MDM2: variants seen among roughly 807,000 people sequenced by gnomAD.
MDM2 encodes the protein MDM2 proto-oncogene, also known as E3 ubiquitin-protein ligase Mdm2.
In MDM2, 11 loss-of-function variants were observed where a neutral mutation model predicts 64.3. That is an observed-to-expected ratio of 0.17 (90% CI 0.11 to 0.28). The LOEUF is 0.28. Ranked by LOEUF, MDM2 falls within the 10% of genes least tolerant of loss-of-function variation. MDM2 has a pLI of 1.00. For synonymous variants in MDM2, 194 were observed against 192.9 expected, an observed-to-expected ratio of 1.01 and a Z score of -0.05; for missense variants, 388 against 577.1, an observed-to-expected ratio of 0.67 and a Z score of 3.36.
intron 10 of MDM2, 133 bp from the exon 11 acceptor site, chr12:68,839,141 A>G (rs1449444747): frequency 2.7e-6 from 2 of 751,318 alleles, no homozygotes; most frequent in Non-Finnish European, 4.3e-6. Flanking sequence ...TGACTATTTT[A>G]TATAAAACAT....
rs141536467 is a variant in MDM2, at chr12:68,821,530, CT to C, written c.358+1157del. 4.8e-3 allele frequency among the ~76,000 whole-genome samples: 731 copies of C among 151,642 alleles called. 3 individuals carry two copies. Among genetic ancestry groups the C allele is most frequent in the Non-Finnish European group, 7.9e-3 (535 of 68,014 alleles). On this transcript the variant is annotated intron_variant, in intron 5 of 10. Coordinates refer to ENST00000258149, the MANE Select transcript of MDM2 (RefSeq NM_002392.6). Reference sequence around the variant, plus strand: ...TTGAGCCGAGGAGTTCAAGACCAGCCTGGGCAGCATGGCAAAATCCTAACTC... The same window carrying C: ...TTGAGCCGAGGAGTTCAAGACCAGCCGGGCAGCATGGCAAAATCCTAACTC...
chr12:68,844,296 T>C lies in MDM2; in HGVS notation c.*4447T>C, dbSNP rs1884072585. 1 of 221,522 alleles carries C rather than the reference T, an allele frequency of 4.5e-6. No individual in the cohort carries two copies. Among genetic ancestry groups the C allele is most frequent in the South Asian group, 1.8e-4 (1 of 5,444 alleles). 13.7% of individuals were successfully genotyped at this position (221,522 alleles called of 1,614,324 possible). On this transcript the variant is annotated 3_prime_UTR_variant, in exon 11 of 11. Transcript: ENST00000258149. ...ACAAGTCTGAATGTGTTTCTTTTTC[T>C]GGAATGGCCATGCCTGCCCACTTTA... is the stretch of plus-strand genomic sequence containing the variant.
chr12:68,850,555 C>T, the MDM2 span: 2 of 152,180 alleles, frequency 1.3e-5, no homozygotes, highest in Non-Finnish European at 2.9e-5. Context: ...TGTCCTATGA[C>T]TAAGTCGATA....
chr12:68,828,445 A>G (rs1038415477), intron 7 of MDM2: 1 of 225,158 alleles, frequency 4.4e-6, no homozygotes, highest in Non-Finnish European at 9.0e-6. Context: ...TACCGTTCCT[A>G]TGGTACCAGC....
chr12:68,842,868 C>G lies in MDM2; in HGVS notation c.*3019C>G. Reference sequence around the variant, plus strand: ...AACAAAATGGCCTTATATAATGAAGCCTAGTTATGCTGGACTGTTTTGATC... The same window carrying G: ...AACAAAATGGCCTTATATAATGAAGGCTAGTTATGCTGGACTGTTTTGATC... On this transcript the variant is annotated 3_prime_UTR_variant, in exon 11 of 11. Transcript: ENST00000258149. 1 of 205,322 alleles carries G rather than the reference C, an allele frequency of 4.9e-6. No individual in the cohort carries two copies. The highest frequency in any genetic ancestry group is 1.0e-5 in the Non-Finnish European group (1 of 100,344). 12.7% of individuals were successfully genotyped at this position (205,322 alleles called of 1,614,324 possible).
intron 3 of MDM2, among the ~76,000 whole-genome samples, chr12:68,815,433 C>CTTTTTTTTTTTTTTTT (rs58178593): frequency 2.1e-5 from 2 of 93,090 alleles, no homozygotes; most frequent in African/African-American, 4.4e-5. Flanking sequence ...GTTTCTTCTT[C>CTTTTTTTTTTTTTTTT]TTTTTTTTTT....
Position 68,844,248 on chromosome 12 carries a change from C to A in MDM2, c.*4399C>A, listed in dbSNP as rs183015384. The A allele has an allele frequency of 4.7e-6, 1 of 213,876 alleles. No homozygotes were observed. The highest frequency in any genetic ancestry group is 9.4e-6 in the Non-Finnish European group (1 of 106,192). The allele number at this position is 213,876 out of a possible 1,614,324, so 13.2% of individuals were successfully genotyped here. A position where few individuals can be genotyped will look rare whatever the true frequency, so the allele number is the denominator to read the frequency against. On this transcript the variant is annotated 3_prime_UTR_variant, in exon 11 of 11. Coordinates refer to ENST00000258149, the MANE Select transcript of MDM2 (RefSeq NM_002392.6). ...GTTAAAATAGAAATTATTTGAATATCATATATTTGGGTAACAAAAGGCACA... is the reference window on the plus strand; with the variant it reads ...GTTAAAATAGAAATTATTTGAATATAATATATTTGGGTAACAAAAGGCACA...
At chr12:68,838,847 T>C (rs1347989041) in intron 10 of MDM2, among the ~76,000 whole-genome samples, 1 of 152,198 alleles carries the variant, frequency 6.6e-6, no homozygotes, top group South Asian at 2.1e-4. Context: ...TTTTTCAGGA[T>C]GGTAAGGGTG....
intron 5 of MDM2, among the ~76,000 whole-genome samples, chr12:68,821,149 G>A (rs917271033): frequency 6.8e-6 from 1 of 147,946 alleles, no homozygotes; most frequent in Non-Finnish European, 1.5e-5. Flanking sequence ...CCAGGTTCAA[G>A]CAATTCTTCT....
chr12:68,812,655 G>T lies in MDM2; in HGVS notation c.100-899G>T, dbSNP rs180824582. Reference sequence around the variant, plus strand: ...TGTAGAGGTGGAGTCTCTCAGTGTGGCCCAGGCTGGTCTTGAACACCTAGC... The same window carrying T: ...TGTAGAGGTGGAGTCTCTCAGTGTGTCCCAGGCTGGTCTTGAACACCTAGC... On this transcript the variant is annotated intron_variant, in intron 2 of 10. Transcript: ENST00000258149. Among the ~76,000 whole-genome samples the T allele has an allele frequency of 5.9e-5, 9 of 152,212 alleles. No homozygotes were observed. The East Asian group carries it at 1.7e-3, about 29-fold the overall frequency.
intron 2 of MDM2, among the ~76,000 whole-genome samples, chr12:68,812,269 A>G (rs1343675684): frequency 6.6e-6 from 1 of 152,132 alleles, no homozygotes; most frequent in East Asian, 1.9e-4. Flanking sequence ...CAATTGTTAA[A>G]TAATATTTGT....
At chr12:68,835,790 G>A (rs371701201) in intron 8 of MDM2, 39 bp from the exon 9 acceptor site, 1 of 1,585,948 alleles carries the variant, frequency 6.3e-7, no homozygotes, top group South Asian at 1.1e-5. Context: ...AGGTCAAGAG[G>A]TGATGTTTAT....
intron 7 of MDM2, among the ~76,000 whole-genome samples, chr12:68,826,729 C>T (rs1448763372): frequency 6.6e-6 from 1 of 151,692 alleles, no homozygotes; most frequent in Non-Finnish European, 1.5e-5. Context: ...AGTAATCTAT[C>T]CTAAGGATGT....
rs547418677 is a variant in MDM2 at position 68,844,082 on chromosome 12, A to G, written c.*4233A>G. 1 of 206,646 alleles carries G rather than the reference A, an allele frequency of 4.8e-6. No individual in the cohort carries two copies. Among genetic ancestry groups the G allele is most frequent in the Admixed American group, 5.9e-5 (1 of 16,824 alleles). The allele number at this position is 206,646 out of a possible 1,614,324, so 12.8% of individuals were successfully genotyped here. On this transcript the variant is annotated 3_prime_UTR_variant, in exon 11 of 11. Transcript: ENST00000258149. ...AGTGACAGCTATTTTTACAAAATTT[A>G]AATCTGCAAATGGATTCAACATGTT...
At chr12:68,830,378 C>T (rs116514865) in intron 8 of MDM2, among the ~76,000 whole-genome samples, 1 of 152,086 alleles carries the variant, frequency 6.6e-6, no homozygotes, top group African/African-American at 2.4e-5. Context: ...GTTACTGTAC[C>T]TAACGGAGCT....
chr12:68,820,299 TTA>T, intron 4 of MDM2, 24 bp from the exon 5 acceptor site: 2 of 1,518,516 alleles, frequency 1.3e-6, no homozygotes, highest in Non-Finnish European at 1.8e-6. Flanking sequence ...ACATCTCTTG[TTA>T]TTTTTTTTTT....
At position 68,839,382 on chromosome 12, in the gene MDM2, G is replaced by C; in HGVS notation, c.1027G>C (p.Asp343His). 1 of 1,613,896 alleles carries C rather than the reference G, an allele frequency of 6.2e-7. No homozygotes were observed. Among genetic ancestry groups the C allele is most frequent in the Non-Finnish European group, 8.5e-7 (1 of 1,180,002 alleles). Reference sequence around the variant, plus strand: ...TTGGCTTCCTGAAGATAAAGGGAAAGATAAAGGGGAAATCTCTGAGAAAGC... The same window carrying C: ...TTGGCTTCCTGAAGATAAAGGGAAACATAAAGGGGAAATCTCTGAGAAAGC... ...ENWLPEDKGK[D>H]KGEISEKAKL... The change falls in exon 11 of 11, where the codon GAT (aspartate) becomes CAT (histidine). Residue 343 changes from aspartate to histidine, a missense_variant. Around this residue, in one of 5 missense-constraint regions of MDM2, gnomAD observed 138 missense variants for 143.7 expected, o/e 0.96. Coordinates refer to ENST00000258149, the MANE Select transcript of MDM2 (RefSeq NM_002392.6).
chr12:68,809,394 A>G, intron 2 of MDM2, 102 bp downstream of exon 2: 1 of 1,075,406 alleles, frequency 9.3e-7, no homozygotes, highest in South Asian at 1.3e-5. Flanking sequence ...TGTAAATAAA[A>G]TTGTATGTGC....
At position 68,835,749 on chromosome 12, in the gene MDM2, G is replaced by T. The variant is rs1883254611; in HGVS notation, c.685-80G>T. 8 of 1,357,802 alleles carry T rather than the reference G, an allele frequency of 5.9e-6. No individual in the cohort carries two copies. In the South Asian group the frequency reaches 1.2e-4, roughly 20 times the overall value. 84.1% of individuals were successfully genotyped at this position (1,357,802 alleles called of 1,614,324 possible). A position where few individuals can be genotyped will look rare whatever the true frequency, so the allele number is the denominator to read the frequency against. ...GTTACACCCTGCTGGCAGCAGCAGA[G>T]GCACAGGGATGAGTTAGGAAACAGA... On this transcript the variant is annotated intron_variant, in intron 8 of 10. Transcript: ENST00000258149.
Sources: gnomAD v4.1 joint callset for allele counts (sites outside exome capture counted in the v4.1 genomes callset) on GRCh38, gnomAD v4.1.1 for gene constraint, gnomAD v4.1.1 regional missense constraint, MANE v1.5 for transcripts, NCBI Gene and HGNC (gene_info 2026-07-23, HGNC 2026-07-21) for gene names.